Variants in ARID1B observed in about 807,000 individuals in gnomAD.
The protein encoded by ARID1B is AT-rich interaction domain 1B.
Under a neutral mutation model 212.3 loss-of-function variants are expected in ARID1B, and 30 were observed. The ratio of observed to expected loss-of-function variants is 0.14; its 90% CI spans 0.11 to 0.19. The LOEUF (loss-of-function observed/expected upper bound fraction) is 0.19, where lower values mean the gene tolerates loss of function less well. Ranked by LOEUF, ARID1B falls within the 10% of genes least tolerant of loss-of-function variation. The pLI, the probability that ARID1B is intolerant of heterozygous loss-of-function variation, is 1.00. For missense variants in ARID1B, 2,891 were observed against 3,204.0 expected, an observed-to-expected ratio of 0.90 and a Z score of 2.36; for synonymous variants, 1,402 against 1,301.7, an observed-to-expected ratio of 1.08 and a Z score of -1.66.
chr6:157,109,184 A>G (rs1786713492), intron 5 of ARID1B, among the ~76,000 whole-genome samples: 2 of 152,074 alleles, frequency 1.3e-5, no homozygotes, highest in Non-Finnish European at 2.9e-5. Flanking sequence ...TAGAACCACA[A>G]GAGGGTTGGT....
intron 2 of ARID1B, among the ~76,000 whole-genome samples, chr6:156,843,160 A>C (rs1784012373): frequency 6.6e-6 from 1 of 152,162 alleles, no homozygotes; most frequent in African/African-American, 2.4e-5. Flanking sequence ...GCCTGTGTCT[A>C]TACCTTGGGC....
intron 4 of ARID1B, among the ~76,000 whole-genome samples, chr6:157,075,422 T>C (rs1784240074): frequency 6.6e-6 from 1 of 152,246 alleles, no homozygotes; most frequent in Admixed American, 6.5e-5. Context: ...AATTTTCTAC[T>C]AGGATACTTG....
In ARID1B at chr6:156,830,333, C is replaced by T. The variant is rs184683008; in HGVS notation, c.1986+912C>T. On this transcript the variant is annotated intron_variant, in intron 2 of 19. Transcript: ENST00000636930. ...AGGCTGGGGCGTCCCATGGTGCGGC[C>T]GTCGGTAACCCACAACAGGGCTTGA... is the stretch of plus-strand genomic sequence containing the variant. Among the ~76,000 whole-genome samples, 23 of 152,294 alleles carry T rather than the reference C, an allele frequency of 1.5e-4. No homozygotes were observed. In the East Asian group the frequency reaches 3.5e-3, roughly 23 times the overall value.
At chr6:157,131,275 A>G (rs1007256572) in intron 6 of ARID1B, among the ~76,000 whole-genome samples, 15 of 152,312 alleles carry the variant, frequency 9.8e-5, no homozygotes, top group Non-Finnish European at 1.9e-4. Context: ...TCTTGCCCTC[A>G]TGGAGCTAAT....
chr6:156,814,905 C>T (rs769178554), intron 1 of ARID1B, among the ~76,000 whole-genome samples: 2 of 151,812 alleles, frequency 1.3e-5, no homozygotes, highest in African/African-American at 4.8e-5. Context: ...GCCTAATCTC[C>T]GTTAATTGTG....
At chr6:156,963,036 C>G (rs1317573350) in intron 4 of ARID1B, among the ~76,000 whole-genome samples, 1 of 152,066 alleles carries the variant, frequency 6.6e-6, no homozygotes, top group African/African-American at 2.4e-5. Flanking sequence ...CCACCTCGGC[C>G]CTCACAAGGT....
chr6:156,982,424 T>C (rs1283669214), intron 4 of ARID1B, among the ~76,000 whole-genome samples: 1 of 148,880 alleles, frequency 6.7e-6, no homozygotes, highest in Non-Finnish European at 1.5e-5. Context: ...TCTCTATGGG[T>C]CTTTTTTTTT....
At position 157,003,515 on chromosome 6, in the gene ARID1B, G is replaced by C. The variant is rs116820184; in HGVS notation, c.2247+67939G>C. 5.6e-3 allele frequency among the ~76,000 whole-genome samples: 851 copies of C among 152,310 alleles called. 8 individuals carry two copies. Among genetic ancestry groups the C allele is most frequent in the African/African-American group, 0.02 (821 of 41,566 alleles). ...AGATCCACAGGCCTTGTAATGTATG[G>C]CTGTAAAGGCAAGGGAGTCAGGGAG... On this transcript the variant is annotated intron_variant, in intron 4 of 19. Coordinates refer to ENST00000636930, the MANE Select transcript of ARID1B (RefSeq NM_001374828.1).
intron 1 of ARID1B, among the ~76,000 whole-genome samples, chr6:156,788,519 A>AT (rs1206443566): frequency 6.6e-6 from 1 of 152,212 alleles, no homozygotes; most frequent in Non-Finnish European, 1.5e-5. Context: ...TCTGCAAAAA[A>AT]TGACTGGCTT....
At chr6:157,029,332 G>A (rs1780880272) in intron 4 of ARID1B, among the ~76,000 whole-genome samples, 1 of 152,154 alleles carries the variant, frequency 6.6e-6, no homozygotes, top group African/African-American at 2.4e-5. Flanking sequence ...GTGTCATAAT[G>A]AGCTGTGTCA....
chr6:157,133,883 T>C (rs1417799239), intron 7 of ARID1B, among the ~76,000 whole-genome samples: 1 of 152,218 alleles, frequency 6.6e-6, no homozygotes, highest in African/African-American at 2.4e-5. Context: ...CAGCATCCTT[T>C]TATCAAGGTT....
At chr6:157,081,921 C>A (rs1784651326) in intron 4 of ARID1B, among the ~76,000 whole-genome samples, 1 of 152,090 alleles carries the variant, frequency 6.6e-6, no homozygotes, top group Non-Finnish European at 1.5e-5. Flanking sequence ...ATCTTGTTAT[C>A]TACCAGGTTT....
intron 2 of ARID1B, among the ~76,000 whole-genome samples, chr6:156,897,234 C>A (rs1562468361): frequency 8.7e-5 from 8 of 91,740 alleles, no homozygotes; most frequent in African/African-American, 3.3e-4. Flanking sequence ...TCTTCTTCTT[C>A]TTCTTCTTCT....
chr6:156,881,431 A>C (rs1340776582), intron 2 of ARID1B, among the ~76,000 whole-genome samples: 2 of 152,218 alleles, frequency 1.3e-5, no homozygotes, highest in Non-Finnish European at 2.9e-5. Context: ...CTGTTTTAAA[A>C]ATATATGTAT....
chr6:157,201,283 G>A lies in ARID1B; in HGVS notation c.5058G>A (p.Leu1686=), dbSNP rs1794101479. The change falls in exon 18 of 20, where the codon CTG becomes CTA. Residue 1686 remains leucine, a synonymous_variant. Coordinates refer to ENST00000636930, the MANE Select transcript of ARID1B (RefSeq NM_001374828.1). The surrounding 1 kb of genome is among the most constrained non-coding windows in gnomAD (Gnocchi z 5.2). ...APSPASFQRS[L]ENRMSPSKSP... The stretch of plus-strand genomic sequence containing the variant: ...GCCCAGCGTCCTTCCAGCGCTCCCT[G>A]GAGAACCGCATGTCTCCAAGCAAGT... 1 of 1,613,914 alleles carries A rather than the reference G, an allele frequency of 6.2e-7. No individual in the cohort carries two copies. The highest frequency in any genetic ancestry group is 1.3e-5 in the African/African-American group (1 of 74,896).
At chr6:157,150,139 C>G (rs1790091184) in intron 8 of ARID1B, 1 of 152,126 alleles carries the variant, frequency 6.6e-6, no homozygotes, top group Non-Finnish European at 1.5e-5. Context: ...AATGAATTGT[C>G]CATTGTTGCA....
intron 12 of ARID1B, 117 bp from the exon 13 acceptor site, chr6:157,184,114 T>A (rs1792782700): frequency 2.3e-6 from 2 of 869,958 alleles, no homozygotes; most frequent in Non-Finnish European, 3.5e-6. Flanking sequence ...TAATGAGCAT[T>A]AGTTAAAAGA....
intron 4 of ARID1B, among the ~76,000 whole-genome samples, chr6:157,041,120 G>A (rs775387174): frequency 6.6e-6 from 1 of 152,014 alleles, no homozygotes; most frequent in Non-Finnish European, 1.5e-5. Flanking sequence ...TTTCAGCTTT[G>A]ATCATGATTT....
chr6:156,779,258 C>A lies in ARID1B; in HGVS notation c.1578C>A (p.Pro526=). 8.5e-7 allele frequency: 1 copy of A among 1,179,676 alleles called. No individual in the cohort carries two copies. The highest frequency in any genetic ancestry group is 1.1e-6 in the Non-Finnish European group (1 of 950,384). The allele number at this position is 1,179,676 out of a possible 1,614,324, so 73.1% of individuals were successfully genotyped here. Residue 526 remains proline (P), a synonymous_variant, in exon 1 of 20, where the codon CCC becomes CCA. Transcript: ENST00000636930. The part of the protein sequence containing the change: ...YGGSYPEYSS[P]SAPPPPPSQP... ...GCAGCTACCCCGAGTACAGCAGCCC[C>A]AGCGCGCCGCCGCCGCCGCCGTCGC...
Sources: gnomAD v4.1 joint callset for allele counts (sites outside exome capture counted in the v4.1 genomes callset) on GRCh38, gnomAD v4.1.1 for gene constraint, Gnocchi (gnomAD v3.1) non-coding constraint, MANE v1.5 for transcripts, NCBI Gene and HGNC (gene_info 2026-07-23, HGNC 2026-07-21) for gene names.